Variants in HHIP observed in about 807,000 individuals in gnomAD.
HHIP encodes hedgehog-interacting protein.
HHIP carries 12 observed loss-of-function variants against 74.0 expected under a neutral mutation model. That is an observed-to-expected ratio of 0.16 (90% CI 0.10 to 0.26). The LOEUF is 0.26. HHIP is among the 10% of genes least tolerant of loss of function. HHIP has a pLI of 1.00. For synonymous variants in HHIP, 309 were observed against 311.6 expected, an observed-to-expected ratio of 0.99 and a Z score of 0.09; for missense variants, 788 against 845.0, an observed-to-expected ratio of 0.93 and a Z score of 0.84.
rs1018272330 is a variant in HHIP, at chr4:144,740,759, T to C, written c.*2802T>C. 1 of 151,976 alleles carries C rather than the reference T, an allele frequency of 6.6e-6. No homozygotes were observed. The highest frequency in any genetic ancestry group is 1.5e-5 in the Non-Finnish European group (1 of 67,994). The allele number at this position is 151,976 out of a possible 1,614,324, so 9.4% of individuals were successfully genotyped here. ...TCTGTTCAGTTCATAAAGCACACAG[T>C]CTCGAATGGAAGAAAAAAAGGTCCT... is the stretch of plus-strand genomic sequence containing the variant. On this transcript the variant is annotated 3_prime_UTR_variant, in exon 13 of 13. Transcript: ENST00000296575.
Position 144,741,808 on chromosome 4 carries a change from C to CTT in HHIP, c.*3853_*3854dup, listed in dbSNP as rs1181962871. ...TTAATTTAAACTTTTATTAGTCTAA[C>CTT]TTTCTGTTAAGTCTCTTAGCTTTGA... On this transcript the variant is annotated 3_prime_UTR_variant, in exon 13 of 13. Coordinates refer to ENST00000296575, the MANE Select transcript of HHIP (RefSeq NM_022475.3). 1 of 152,076 alleles carries CTT rather than the reference C, an allele frequency of 6.6e-6. No homozygotes were observed. Among genetic ancestry groups the CTT allele is most frequent in the African/African-American group, 2.4e-5 (1 of 41,410 alleles). The allele number at this position is 152,076 out of a possible 1,614,324, so 9.4% of individuals were successfully genotyped here.
intron 2 of HHIP, among the ~76,000 whole-genome samples, chr4:144,655,408 T>C (rs1728530884): frequency 6.6e-6 from 1 of 152,186 alleles, no homozygotes; most frequent in South Asian, 2.1e-4. Flanking sequence ...AGCATATCGA[T>C]GGACGTCTAT....
intron 4 of HHIP, among the ~76,000 whole-genome samples, chr4:144,683,197 T>C (rs545921684): frequency 3.0e-4 from 46 of 152,312 alleles, no homozygotes; most frequent in Non-Finnish European, 5.0e-4. Context: ...ATGTTTCCTG[T>C]TTTCTATCTA....
In HHIP at chr4:144,659,878, G is replaced by A. The variant is rs201360243; in HGVS notation, c.831+40G>A. 359 of 1,460,890 alleles carry A rather than the reference G, an allele frequency of 2.5e-4. 3 individuals carry two copies. The South Asian group carries it at 3.9e-3, about 16-fold the overall frequency. 90.5% of individuals were successfully genotyped at this position (1,460,890 alleles called of 1,614,324 possible). The stretch of plus-strand genomic sequence containing the variant: ...TTTTATTTATTTTTGTGCTGGCTAC[G>A]TTAATTTTATTTTAGTGTTACCTTC... On this transcript the variant is annotated intron_variant, in intron 4 of 12. Coordinates refer to ENST00000296575, the MANE Select transcript of HHIP (RefSeq NM_022475.3).
At chr4:144,685,475 C>T (rs1446764209) in intron 4 of HHIP, 1 of 152,156 alleles carries the variant, frequency 6.6e-6, no homozygotes, top group African/African-American at 2.4e-5. Context: ...ATAATAGCAA[C>T]AAATGACCAA....
intron 11 of HHIP, among the ~76,000 whole-genome samples, chr4:144,725,960 C>T (rs1324051720): frequency 4.6e-5 from 7 of 152,004 alleles, no homozygotes; most frequent in East Asian, 1.9e-4. Flanking sequence ...CATGAGCCAC[C>T]GTGTCCAGGC....
At chr4:144,700,839 T>C (rs1729959029) in intron 4 of HHIP, among the ~76,000 whole-genome samples, 1 of 152,228 alleles carries the variant, frequency 6.6e-6, no homozygotes, top group Admixed American at 6.5e-5. Context: ...ACAAAGTTTG[T>C]GGTAAATTTT....
At chr4:144,684,393 G>A (rs1361343063) in intron 4 of HHIP, among the ~76,000 whole-genome samples, 1 of 149,492 alleles carries the variant, frequency 6.7e-6, no homozygotes, top group Admixed American at 6.6e-5. Context: ...AGAGTAGCTG[G>A]GACTACAGGC....
At chr4:144,663,669 G>GA (rs948461244) in intron 4 of HHIP, among the ~76,000 whole-genome samples, 3 of 151,930 alleles carry the variant, frequency 2.0e-5, no homozygotes, top group Non-Finnish European at 2.9e-5. Context: ...AATACCATTT[G>GA]AAAAAAATGG....
At chr4:144,713,305 C>A (rs572492320) in intron 8 of HHIP, among the ~76,000 whole-genome samples, 4 of 151,948 alleles carry the variant, frequency 2.6e-5, no homozygotes, top group Non-Finnish European at 4.4e-5. Context: ...GAGTTTGTGA[C>A]CTTAATTATT....
intron 4 of HHIP, among the ~76,000 whole-genome samples, chr4:144,701,684 T>C (rs572663785): frequency 1.2e-4 from 18 of 152,270 alleles, no homozygotes; most frequent in Non-Finnish European, 2.1e-4. Flanking sequence ...AAAAAAGAAA[T>C]AGTTGGCAGT....
intron 4 of HHIP, among the ~76,000 whole-genome samples, chr4:144,671,853 G>A (rs947550146): frequency 1.3e-5 from 2 of 152,034 alleles, no homozygotes; most frequent in Non-Finnish European, 2.9e-5. Flanking sequence ...GTGTGGTGAT[G>A]GGCACCTGTA....
At chr4:144,684,823 C>T (rs1054855382) in intron 4 of HHIP, among the ~76,000 whole-genome samples, 1 of 152,096 alleles carries the variant, frequency 6.6e-6, no homozygotes, top group Non-Finnish European at 1.5e-5. Context: ...TATTCTGTAA[C>T]TTTCAACTCT....
rs1731164293 is a variant in HHIP at position 144,737,939 on chromosome 4, A to G, written c.2085A>G (p.Leu695=). The G allele has an allele frequency of 6.2e-7, 1 of 1,609,118 alleles. No homozygotes were observed. The highest frequency in any genetic ancestry group is 1.7e-5 in the Admixed American group (1 of 59,790). The stretch of plus-strand genomic sequence containing the variant: ...ACATGACATCTTACTTGCTGGATCT[A>G]ACAAGTTACATTGTATAGTTTCTGG... ...IIDMTSYLLD[L]TSYIV The change falls in exon 13 of 13, where the codon CTA becomes CTG. Residue 695 remains leucine, a synonymous_variant. Transcript: ENST00000296575.
chr4:144,665,481 C>T (rs914983896), intron 4 of HHIP, among the ~76,000 whole-genome samples: 3 of 152,102 alleles, frequency 2.0e-5, no homozygotes, highest in Admixed American at 1.3e-4. Flanking sequence ...ATGCTCTGTA[C>T]TCTGTGAAAA....
At chr4:144,669,710 C>A (rs560436621) in intron 4 of HHIP, among the ~76,000 whole-genome samples, 2 of 152,050 alleles carry the variant, frequency 1.3e-5, no homozygotes, top group South Asian at 2.1e-4. Context: ...GATTATAGAA[C>A]TAAATCCAGT....
In HHIP at chr4:144,721,771, C is replaced by T. The variant is rs144026233; in HGVS notation, c.1760+2815C>T. Among the ~76,000 whole-genome samples, 966 of 151,842 alleles carry T rather than the reference C, an allele frequency of 6.4e-3. 9 individuals carry two copies. Among genetic ancestry groups the T allele is most frequent in the African/African-American group, 0.023 (939 of 41,408 alleles). ...ACAAAAAATTAGCTGGGCATGGTAG[C>T]GGGTGCCTGTAATCCCAGCTACTCA... On this transcript the variant is annotated intron_variant, in intron 11 of 12. Coordinates refer to ENST00000296575, the MANE Select transcript of HHIP (RefSeq NM_022475.3).
intron 2 of HHIP, among the ~76,000 whole-genome samples, chr4:144,655,352 C>A (rs1016910714): frequency 6.6e-6 from 1 of 152,106 alleles, no homozygotes; most frequent in Non-Finnish European, 1.5e-5. Context: ...GAGCAGGGTA[C>A]CTACTTTGCT....
rs554131877 is a variant in HHIP, at chr4:144,737,785, G to A, written c.1931G>A (p.Arg644His). 30 of 1,607,452 alleles carry A rather than the reference G, an allele frequency of 1.9e-5. No individual in the cohort carries two copies. The highest frequency in any genetic ancestry group is 1.3e-4 in the African/African-American group (10 of 74,768). ...CRTAKCEPACRHGGVCVRPNK... is the reference protein window; with the variant it reads ...CRTAKCEPACHHGGVCVRPNK... Reference sequence around the variant, plus strand: ...CCAGCAAAATGTGAGCCAGCATGTCGTCATGGAGGTGTCTGTGTTAGACCG... The same window carrying A: ...CCAGCAAAATGTGAGCCAGCATGTCATCATGGAGGTGTCTGTGTTAGACCG... Residue 644 changes from arginine (R) to histidine (H), a missense_variant, in exon 13 of 13, where the codon CGT becomes CAT. By Grantham distance (29) the Arg-to-His change is conservative. Around this residue, in one of 3 missense-constraint regions of HHIP, gnomAD observed 343 missense variants for 347.9 expected, o/e 0.99. Transcript: ENST00000296575.
Sources: gnomAD v4.1 joint callset for allele counts (sites outside exome capture counted in the v4.1 genomes callset) on GRCh38, gnomAD v4.1.1 for gene constraint, gnomAD v4.1.1 regional missense constraint, MANE v1.5 for transcripts, NCBI Gene and HGNC (gene_info 2026-07-23, HGNC 2026-07-21) for gene names.